GPC5: variants seen among roughly 807,000 people sequenced by gnomAD.
GPC5 encodes the protein glypican 5.
In GPC5, 47 loss-of-function variants were observed where a neutral mutation model predicts 53.9. The observed-to-expected ratio is 0.87, with a 90% CI of 0.69 to 1.11. The LOEUF (loss-of-function observed/expected upper bound fraction) is 1.11. GPC5 is among the 50% of genes most tolerant of loss of function. The probability of loss-of-function intolerance (pLI) is 0.00; values close to 1 mark genes in which losing one functional copy is unlikely to be tolerated. For missense variants in GPC5, 748 were observed against 713.1 expected, an observed-to-expected ratio of 1.05 and a Z score of -0.56; for synonymous variants, 286 against 263.3, an observed-to-expected ratio of 1.09 and a Z score of -0.84.
rs56162097 is a variant in GPC5, at chr13:92,577,418, A to ATGTGTGTGTGTGTGTGTG, written c.1562-288848_1562-288831dup. Among the ~76,000 whole-genome samples the ATGTGTGTGTGTGTGTGTG allele has an allele frequency of 5.7e-3, 824 of 145,428 alleles. 4 individuals carry two copies. Among genetic ancestry groups the ATGTGTGTGTGTGTGTGTG allele is most frequent in the South Asian group, 8.4e-3 (38 of 4,518 alleles). ...TGAATGAATGTAAGTATGTATGTATATGTGTGTGTGTGTGTGTGTGTGTGT... is the reference window on the plus strand; with the variant it reads ...TGAATGAATGTAAGTATGTATGTATATGTGTGTGTGTGTGTGTGTGTGTGTGTGTGTGTGTGTGTGTGT... On this transcript the variant is annotated intron_variant, in intron 7 of 7. Transcript: ENST00000377067.
intron 7 of GPC5, among the ~76,000 whole-genome samples, chr13:92,419,503 G>A (rs1876466272): frequency 6.6e-6 from 1 of 152,150 alleles, no homozygotes; most frequent in Admixed American, 6.5e-5. Context: ...ATTATTACAT[G>A]TCATTTCTGA....
In GPC5 at chr13:91,693,685, T is replaced by C; in HGVS notation, c.824T>C (p.Leu275Pro). ...ALTKPCMGYCLNVMRGCLAHM... is the reference protein window; with the variant it reads ...ALTKPCMGYCPNVMRGCLAHM... ...ACTAAGCCTTGTATGGGATACTGCCTCAATGTCATGCGAGGCTGCCTGGCG... is the reference window on the plus strand; with the variant it reads ...ACTAAGCCTTGTATGGGATACTGCCCCAATGTCATGCGAGGCTGCCTGGCG... The change falls in exon 3 of 8, where the codon CTC becomes CCC. Residue 275 changes from leucine (L) to proline (P), a missense_variant. Leu to Pro is a moderately conservative substitution (Grantham distance 98). Transcript: ENST00000377067. 6.2e-7 allele frequency: 1 copy of C among 1,614,130 alleles called. No homozygotes were observed. Among genetic ancestry groups the C allele is most frequent in the Non-Finnish European group, 8.5e-7 (1 of 1,180,008 alleles).
At chr13:91,656,517 C>T (rs145601270) in intron 2 of GPC5, among the ~76,000 whole-genome samples, 22 of 152,214 alleles carry the variant, frequency 1.4e-4, no homozygotes, top group Non-Finnish European at 2.8e-4. Context: ...AGATCTTCTT[C>T]AAAGACTTTA....
At chr13:91,771,947 T>C (rs2037633030) in intron 5 of GPC5, among the ~76,000 whole-genome samples, 1 of 152,168 alleles carries the variant, frequency 6.6e-6, no homozygotes, top group Non-Finnish European at 1.5e-5. Flanking sequence ...ATTTGAGAAA[T>C]GAATTGCATA....
intron 7 of GPC5, among the ~76,000 whole-genome samples, chr13:92,526,371 CATAG>C (rs1354254151): frequency 6.6e-6 from 1 of 152,020 alleles, no homozygotes; most frequent in Non-Finnish European, 1.5e-5. Context: ...TCACTAACTC[CATAG>C]ATAGTGTCAT....
chr13:91,440,899 T>C lies in GPC5; in HGVS notation c.164-7862T>C, dbSNP rs527414852. Among the ~76,000 whole-genome samples, 3 of 152,322 alleles carry C rather than the reference T, an allele frequency of 2.0e-5. No individual in the cohort carries two copies. The South Asian group carries it at 6.2e-4, about 32-fold the overall frequency. The stretch of plus-strand genomic sequence containing the variant: ...TATGGTTCAGGGGTCAGCCAGAGGT[T>C]GGGCAGAGTTTACACAGAAACTGGG... On this transcript the variant is annotated intron_variant, in intron 1 of 7. Transcript: ENST00000377067.
At chr13:91,755,245 C>T (rs551361379) in intron 4 of GPC5, among the ~76,000 whole-genome samples, 1 of 152,108 alleles carries the variant, frequency 6.6e-6, no homozygotes, top group South Asian at 2.1e-4. Flanking sequence ...TTAGAATCAC[C>T]TGTCTTCTTT....
At chr13:92,021,327 G>A (rs7336261) in intron 6 of GPC5, among the ~76,000 whole-genome samples, 134,971 of 152,234 alleles carry the variant, frequency 0.89, 60,619 homozygotes, top group East Asian at 1. Context: ...ATACGTGACA[G>A]CATGGATGAG....
chr13:92,077,163 C>T (rs186778205), intron 6 of GPC5, among the ~76,000 whole-genome samples: 3 of 152,120 alleles, frequency 2.0e-5, no homozygotes, highest in Non-Finnish European at 2.9e-5. Context: ...ATGTCTCATG[C>T]CTCCCTAAAA....
At chr13:91,751,588 T>C (rs1440159687) in intron 4 of GPC5, among the ~76,000 whole-genome samples, 1 of 152,200 alleles carries the variant, frequency 6.6e-6, no homozygotes, top group Non-Finnish European at 1.5e-5. Context: ...AGCTTCAGCC[T>C]AGAAGGAGCA....
chr13:91,503,780 A>AAATAAT (rs74995934), intron 2 of GPC5, among the ~76,000 whole-genome samples: 62,224 of 132,516 alleles, frequency 0.47, 16,022 homozygotes, highest in East Asian at 0.64. Context: ...CTCTGTCTCA[A>AAATAAT]AATAATAATA....
rs1341121833 is a variant in GPC5, at chr13:91,424,958, A to T, written c.164-23803A>T. ...TGGGGACTTAGTTAAACCCTTGACT[A>T]GGATTCAATTAATACTAGAATCTGG... On this transcript the variant is annotated intron_variant, in intron 1 of 7. Coordinates refer to ENST00000377067, the MANE Select transcript of GPC5 (RefSeq NM_004466.6). Among the ~76,000 whole-genome samples, 7 of 152,228 alleles carry T rather than the reference A, an allele frequency of 4.6e-5. 1 individual carries two copies. Among genetic ancestry groups the T allele is most frequent in the Middle Eastern group, 6.3e-3 (2 of 316 alleles).
At chr13:91,624,198 T>C (rs535040227) in intron 2 of GPC5, among the ~76,000 whole-genome samples, 1 of 152,258 alleles carries the variant, frequency 6.6e-6, no homozygotes, top group East Asian at 1.9e-4. Flanking sequence ...GAATTCAGAA[T>C]GTATGGAGAG....
At chr13:91,671,791 A>AAAAAAAAAAAAAAAC in intron 2 of GPC5, among the ~76,000 whole-genome samples, 1 of 148,958 alleles carries the variant, frequency 6.7e-6, no homozygotes. Flanking sequence ...AAAAAAAAAA[A>AAAAAAAAAAAAAAAC]AAAAAAAAAA....
chr13:92,655,801 A>C (rs1364790056), intron 7 of GPC5, among the ~76,000 whole-genome samples: 1 of 152,190 alleles, frequency 6.6e-6, no homozygotes, highest in South Asian at 2.1e-4. Context: ...AGTAACTCTC[A>C]TAGTAGCCTA....
At chr13:91,444,924 TA>T (rs1273910910) in intron 1 of GPC5, among the ~76,000 whole-genome samples, 4 of 152,188 alleles carry the variant, frequency 2.6e-5, no homozygotes, top group Non-Finnish European at 5.9e-5. Context: ...AAGCATCAGA[TA>T]GAACCAAACC....
intron 5 of GPC5, among the ~76,000 whole-genome samples, chr13:91,835,742 G>C (rs186033442): frequency 2.6e-5 from 4 of 152,006 alleles, no homozygotes; most frequent in African/African-American, 7.2e-5. Flanking sequence ...CGGGGGTTGG[G>C]GGGTGAGGGG....
intron 7 of GPC5, among the ~76,000 whole-genome samples, chr13:92,483,903 A>G (rs1165758328): frequency 1.3e-5 from 2 of 152,108 alleles, no homozygotes; most frequent in Non-Finnish European, 2.9e-5. Context: ...CAAGGTGGGA[A>G]AAGGCCTCCT....
chr13:91,596,930 T>A (rs2033015779), intron 2 of GPC5, among the ~76,000 whole-genome samples: 1 of 152,180 alleles, frequency 6.6e-6, no homozygotes, highest in Non-Finnish European at 1.5e-5. Context: ...TCATTGAATC[T>A]CTGAAGTTCT....
Sources: allele counts gnomAD v4.1 joint callset (sites outside exome capture counted in the v4.1 genomes callset), GRCh38; gene constraint gnomAD v4.1.1; transcripts MANE v1.5; gene names NCBI Gene and HGNC (gene_info 2026-07-23, HGNC 2026-07-21).